Variants in FOXO3 observed in about 807,000 individuals in gnomAD.
The protein encoded by FOXO3 is forkhead box protein O3.
FOXO3 carries 4 observed loss-of-function variants against 41.9 expected under a neutral mutation model. That is an observed-to-expected ratio of 0.10 (90% confidence interval 0.05 to 0.22). FOXO3 has a LOEUF of 0.22. FOXO3 is among the 10% of genes least tolerant of loss of function. The probability of loss-of-function intolerance (pLI) is 1.00; values close to 1 mark genes in which losing one functional copy is unlikely to be tolerated. For missense variants in FOXO3, 534 were observed against 906.8 expected (o/e 0.59, Z 5.28); for synonymous variants, 318 against 389.3 (o/e 0.82, Z 2.16).
At chr6:108,632,589 C>T (rs566918175) in intron 1 of FOXO3, among the ~76,000 whole-genome samples, 1 of 152,036 alleles carries the variant, frequency 6.6e-6, no homozygotes, top group Non-Finnish European at 1.5e-5. Context: ...TGCGGAAATC[C>T]CTCCTCCTTC....
At chr6:108,590,770 A>G (rs72940694) in intron 1 of FOXO3, among the ~76,000 whole-genome samples, 14,181 of 152,290 alleles carry the variant, frequency 0.093, 938 homozygotes, top group South Asian at 0.22. Context: ...TGTTCTTGTC[A>G]GAATTTTGGA....
Position 108,561,106 on chromosome 6 carries a change from G to C in FOXO3, c.-103G>C, listed in dbSNP as rs1158771123. 36 of 1,426,292 alleles carry C rather than the reference G, an allele frequency of 2.5e-5. No homozygotes were observed. In the Middle Eastern group the frequency reaches 7.5e-4, roughly 30 times the overall value. 88.4% of individuals were successfully genotyped at this position (1,426,292 alleles called of 1,614,324 possible). On this transcript the variant is annotated 5_prime_UTR_variant, in exon 1 of 3. Transcript: ENST00000406360. Reference sequence around the variant, plus strand: ...CCCAGGCGGCGGCGGCGGCGCCCGGGAGCCGGAGCCTTCGCGGCGTCCACG... The same window carrying C: ...CCCAGGCGGCGGCGGCGGCGCCCGGCAGCCGGAGCCTTCGCGGCGTCCACG...
At chr6:108,610,667 C>A (rs1324398623) in intron 1 of FOXO3, among the ~76,000 whole-genome samples, 3 of 152,160 alleles carry the variant, frequency 2.0e-5, no homozygotes, top group African/African-American at 7.2e-5. Context: ...AGCAGCCCTC[C>A]CCATTTTCCT....
intron 2 of FOXO3, among the ~76,000 whole-genome samples, chr6:108,674,208 A>G (rs1164442794): frequency 1.3e-5 from 2 of 152,218 alleles, no homozygotes; most frequent in Non-Finnish European, 2.9e-5. Context: ...ACTCTTGGCA[A>G]ATATGAGTAG....
At chr6:108,586,301 A>G (rs142933695) in intron 1 of FOXO3, among the ~76,000 whole-genome samples, 4 of 152,330 alleles carry the variant, frequency 2.6e-5, no homozygotes, top group African/African-American at 9.6e-5. Flanking sequence ...TATGCCTTTA[A>G]ATGAAAACAG....
intron 1 of FOXO3, among the ~76,000 whole-genome samples, chr6:108,622,647 C>G (rs1406571483): frequency 6.6e-6 from 1 of 152,118 alleles, no homozygotes; most frequent in Non-Finnish European, 1.5e-5. Flanking sequence ...AGCCTTTCTG[C>G]CCCTCTAGGG....
intron 1 of FOXO3, among the ~76,000 whole-genome samples, chr6:108,606,045 T>C (rs1777190803): frequency 6.6e-6 from 1 of 152,242 alleles, no homozygotes; most frequent in Non-Finnish European, 1.5e-5. Context: ...TAAATTAAAA[T>C]AGTTTGTGCC....
At chr6:108,616,489 G>T (rs1777518163) in intron 1 of FOXO3, among the ~76,000 whole-genome samples, 1 of 151,964 alleles carries the variant, frequency 6.6e-6, no homozygotes, top group African/African-American at 2.4e-5. Context: ...GTAGAAATGG[G>T]GTTTCGCTGT....
At chr6:108,608,533 T>G (rs1395571124) in intron 1 of FOXO3, among the ~76,000 whole-genome samples, 1 of 152,132 alleles carries the variant, frequency 6.6e-6, no homozygotes, top group African/African-American at 2.4e-5. Context: ...CTACTGCAGT[T>G]TTTCTATCAA....
At chr6:108,647,474 G>T (rs12202049) in intron 1 of FOXO3, among the ~76,000 whole-genome samples, 2 of 152,234 alleles carry the variant, frequency 1.3e-5, no homozygotes, top group African/African-American at 4.8e-5. Flanking sequence ...CAAATTAACA[G>T]AATTTTCTGA....
At chr6:108,594,018 C>T (rs994101037) in intron 1 of FOXO3, among the ~76,000 whole-genome samples, 6 of 152,086 alleles carry the variant, frequency 3.9e-5, no homozygotes, top group Non-Finnish European at 7.4e-5. Context: ...CGTGACCGGC[C>T]TTTGCTGTGT....
intron 1 of FOXO3, among the ~76,000 whole-genome samples, chr6:108,644,968 CT>C (rs1778356087): frequency 6.6e-6 from 1 of 152,208 alleles, no homozygotes; most frequent in South Asian, 2.1e-4. Flanking sequence ...CCATGTCTGT[CT>C]GTTCACTCAC....
At chr6:108,572,962 G>A (rs909435101) in intron 1 of FOXO3, among the ~76,000 whole-genome samples, 5 of 152,070 alleles carry the variant, frequency 3.3e-5, no homozygotes, top group Non-Finnish European at 7.4e-5. Context: ...CTCCTGGAGT[G>A]TGGGTGGGAC....
At chr6:108,561,872 C>T in intron 1 of FOXO3, 43 bp downstream of exon 1, 1 of 1,501,754 alleles carries the variant, frequency 6.7e-7, no homozygotes, top group South Asian at 1.3e-5. Flanking sequence ...CGCCGGGCCT[C>T]CTGCGCAGCG....
chr6:108,648,424 ACT>A (rs1172612934), intron 1 of FOXO3, among the ~76,000 whole-genome samples: 2 of 151,914 alleles, frequency 1.3e-5, no homozygotes. Flanking sequence ...ACTGAAAATG[ACT>A]CTCTGGGGGT....
chr6:108,613,709 CT>C (rs1777422707), intron 1 of FOXO3, among the ~76,000 whole-genome samples: 1 of 151,992 alleles, frequency 6.6e-6, no homozygotes, highest in Non-Finnish European at 1.5e-5. Context: ...TCCCCCGTTA[CT>C]TTTATGTTTT....
intron 1 of FOXO3, among the ~76,000 whole-genome samples, chr6:108,654,935 T>C (rs1466965939): frequency 6.6e-6 from 1 of 152,224 alleles, no homozygotes; most frequent in African/African-American, 2.4e-5. Flanking sequence ...TGATCTCAGA[T>C]ACATTTTTAT....
chr6:108,650,676 G>C (rs1052980423), intron 1 of FOXO3, among the ~76,000 whole-genome samples: 1 of 152,094 alleles, frequency 6.6e-6, no homozygotes, highest in Non-Finnish European at 1.5e-5. Context: ...ATAGTTTAGG[G>C]GTAGTGCTAA....
intron 2 of FOXO3, among the ~76,000 whole-genome samples, chr6:108,678,215 G>C (rs1411690349): frequency 6.6e-6 from 1 of 152,192 alleles, no homozygotes; most frequent in Non-Finnish European, 1.5e-5. Flanking sequence ...AATTCCTGAT[G>C]ACCCTACGGT....
Sources: gnomAD v4.1 joint callset for allele counts (sites outside exome capture counted in the v4.1 genomes callset) on GRCh38, gnomAD v4.1.1 for gene constraint, MANE v1.5 for transcripts, NCBI Gene and HGNC (gene_info 2026-07-23, HGNC 2026-07-21) for gene names.